Variants in GREB1L observed in about 807,000 individuals in gnomAD.
The protein encoded by GREB1L is GREB1-like protein.
A neutral mutation model predicts 200.8 loss-of-function variants in GREB1L; 17 were observed. The ratio of observed to expected loss-of-function variants is 0.08; its 90% CI spans 0.06 to 0.13. The LOEUF (loss-of-function observed/expected upper bound fraction) is 0.13, where lower values mean the gene tolerates loss of function less well. Among genes scored for constraint, GREB1L ranks in the 10% least tolerant of loss-of-function variants. The pLI, the probability that GREB1L is intolerant of heterozygous loss-of-function variation, is 1.00. For synonymous variants in GREB1L, 789 were observed against 893.0 expected (o/e 0.88, Z 2.08); for missense variants, 1,657 against 2,367.7 (o/e 0.70, Z 6.23).
At chr18:21,333,464 T>TCC (rs2039137311) in intron 1 of GREB1L, among the ~76,000 whole-genome samples, 3 of 151,394 alleles carry the variant, frequency 2.0e-5, no homozygotes. Flanking sequence ...CACCTGAGGT[T>TCC]GGGAGTTTGA....
Position 21,505,796 on chromosome 18 carries a change from C to G in GREB1L, c.4229-14C>G. On this transcript the variant is annotated splice_polypyrimidine_tract_variant and intron_variant, in intron 24 of 32. Coordinates refer to ENST00000424526, the MANE Select transcript of GREB1L (RefSeq NM_001142966.3). ...GTTATCTCATGGGATGGCTTTTTGCCCCTTTATACACAGAAGTGATAAAGG... is the reference window on the plus strand; with the variant it reads ...GTTATCTCATGGGATGGCTTTTTGCGCCTTTATACACAGAAGTGATAAAGG... The G allele has an allele frequency of 6.5e-7, 1 of 1,544,318 alleles. No homozygotes were observed. The highest frequency in any genetic ancestry group is 1.2e-5 in the South Asian group (1 of 82,534).
chr18:21,522,411 T>C (rs904800797), intron 32 of GREB1L, among the ~76,000 whole-genome samples: 8 of 151,856 alleles, frequency 5.3e-5, no homozygotes, highest in African/African-American at 1.9e-4. Flanking sequence ...GAGGCAGAGG[T>C]TGCAGTGAAC....
Position 21,441,434 on chromosome 18 carries a change from A to G in GREB1L, c.1104A>G (p.Pro368=), listed in dbSNP as rs1419628960. 2.2e-5 allele frequency: 34 copies of G among 1,550,732 alleles called. No individual in the cohort carries two copies. The highest frequency in any genetic ancestry group is 2.7e-5 in the Non-Finnish European group (31 of 1,146,744). ...PLLSAPVPQT[P]LTGILQPRPI... ...TATCTGCCCCAGTTCCACAGACCCC[A>G]CTAACTGGAATTTTACAACCCAGGC... The change falls in exon 10 of 33, where the codon CCA becomes CCG. Residue 368 remains proline (P), a synonymous_variant. Transcript: ENST00000424526.
Position 21,500,143 on chromosome 18 carries a change from G to T in GREB1L, c.3806G>T (p.Arg1269Leu), listed in dbSNP as rs1176278321. ...GACGTGGCCTGGGTGAGCTCCCTGC[G>T]GCCACTCCTGAACAAGGACATGAGC... The part of the protein sequence containing the change: ...HADVAWVSSL[R>L]PLLNKDMSSE... The change falls in exon 22 of 33, where the codon CGG becomes CTG. Residue 1269 changes from arginine (R) to leucine (L), a missense_variant. Physicochemically the swap from Arg to Leu is moderately radical, Grantham distance 102. Around this residue, in one of 9 missense-constraint regions of GREB1L, gnomAD observed 512 missense variants for 668.3 expected, o/e 0.77. Transcript: ENST00000424526. 5.8e-6 allele frequency: 9 copies of T among 1,551,448 alleles called. No homozygotes were observed. Among genetic ancestry groups the T allele is most frequent in the Non-Finnish European group, 7.0e-6 (8 of 1,147,010 alleles).
intron 17 of GREB1L, among the ~76,000 whole-genome samples, chr18:21,483,719 G>A (rs947701327): frequency 9.9e-5 from 15 of 152,100 alleles, no homozygotes; most frequent in Admixed American, 2.0e-4. Flanking sequence ...GCTCATGTCT[G>A]TAATCCCAGC....
intron 25 of GREB1L, 35 bp downstream of exon 25, chr18:21,505,984 C>T: frequency 2.0e-6 from 3 of 1,535,752 alleles, no homozygotes; most frequent in Non-Finnish European, 2.6e-6. Flanking sequence ...CCTCTGTCAC[C>T]CAGTATGGAT....
chr18:21,393,168 G>A (rs1875134752), intron 4 of GREB1L, among the ~76,000 whole-genome samples: 1 of 152,166 alleles, frequency 6.6e-6, no homozygotes, highest in Non-Finnish European at 1.5e-5. Flanking sequence ...ATCATAACAT[G>A]AATTGATGCT....
At position 21,383,862 on chromosome 18, in the gene GREB1L, G is replaced by A. The variant is rs180736194; in HGVS notation, c.157+187G>A. 7.2e-4 allele frequency among the ~76,000 whole-genome samples: 109 copies of A among 151,952 alleles called. No homozygotes were observed. The Middle Eastern group carries it at 0.014, about 19-fold the overall frequency. ...TGAGTAGCTGGGATTACAGGTGCAC[G>A]CCACCACTCCTGGCTAATTTTTTTT... On this transcript the variant is annotated intron_variant, in intron 3 of 32. Transcript: ENST00000424526.
At chr18:21,281,679 A>G (rs2038272275) in intron 1 of GREB1L, among the ~76,000 whole-genome samples, 2 of 152,162 alleles carry the variant, frequency 1.3e-5, no homozygotes, top group Admixed American at 1.3e-4. Flanking sequence ...ACATAACATG[A>G]TTTATTTTCA....
chr18:21,280,662 T>G (rs977489173), intron 1 of GREB1L, among the ~76,000 whole-genome samples: 3 of 152,192 alleles, frequency 2.0e-5, no homozygotes, highest in African/African-American at 2.4e-5. Flanking sequence ...TTAAACACTT[T>G]TTTTCTCCCT....
At chr18:21,383,454 T>C in intron 2 of GREB1L, 56 bp from the exon 3 acceptor site, 1 of 1,311,374 alleles carries the variant, frequency 7.6e-7, no homozygotes, top group Non-Finnish European at 1.0e-6. Flanking sequence ...CTTTGAGACA[T>C]AGAACCTCTA....
In GREB1L at chr18:21,384,343, A is replaced by G; in HGVS notation, c.295A>G (p.Asn99Asp). The G allele has an allele frequency of 6.4e-7, 1 of 1,551,988 alleles. No homozygotes were observed. Among genetic ancestry groups the G allele is most frequent in the Non-Finnish European group, 8.7e-7 (1 of 1,147,044 alleles). ...DEDDEEMSDSNSPPIPYSQKP... is the reference protein window; with the variant it reads ...DEDDEEMSDSDSPPIPYSQKP... The stretch of plus-strand genomic sequence containing the variant: ...AGACGATGAAGAAATGTCTGATTCA[A>G]ACAGCCCACCAATTCCCTATTCACA... Residue 99 changes from asparagine (N) to aspartate (D), a missense_variant, in exon 4 of 33, where the codon AAC becomes GAC. Asn to Asp is a conservative substitution (Grantham distance 23). Coordinates refer to ENST00000424526, the MANE Select transcript of GREB1L (RefSeq NM_001142966.3).
chr18:21,366,175 A>G (rs773044976), intron 2 of GREB1L, 39 bp downstream of exon 2: 12 of 152,132 alleles, frequency 7.9e-5, no homozygotes, highest in Non-Finnish European at 1.2e-4. Flanking sequence ...CAATTTTTCA[A>G]GATCAAATTT....
chr18:21,324,938 C>A (rs2039000618), intron 1 of GREB1L, among the ~76,000 whole-genome samples: 1 of 152,202 alleles, frequency 6.6e-6, no homozygotes, highest in South Asian at 2.1e-4. Flanking sequence ...GAGTCACAGT[C>A]CTCAGAAGCA....
rs184919282 is a variant in GREB1L, at chr18:21,495,686, A to C, written c.3047A>C (p.Glu1016Ala). The part of the protein sequence containing the change: ...VARLKSWRGN[E>A]PEEWIPRTYQ... ...TTTCTGTAGAGTTGGAGAGGAAATG[A>C]ACCAGAAGAGTGGATCCCTCGGACA... Residue 1016 changes from glutamate (E) to alanine (A), a missense_variant, in exon 20 of 33, where the codon GAA (glutamate) becomes GCA (alanine). Physicochemically the swap from Glu to Ala is moderately radical, Grantham distance 107. Transcript: ENST00000424526. The C allele has an allele frequency of 6.6e-6, 10 of 1,524,408 alleles. No individual in the cohort carries two copies. In the Admixed American group the frequency reaches 2.0e-4, roughly 31 times the overall value. The allele number at this position is 1,524,408 out of a possible 1,614,324, so 94.4% of individuals were successfully genotyped here.
At chr18:21,243,311 A>T (rs2037537260) in intron 1 of GREB1L, among the ~76,000 whole-genome samples, 1 of 152,154 alleles carries the variant, frequency 6.6e-6, no homozygotes, top group East Asian at 1.9e-4. Flanking sequence ...TTTGCCCGGA[A>T]CTGCCGCTGC....
chr18:21,414,124 T>C (rs2031378256), intron 7 of GREB1L, among the ~76,000 whole-genome samples: 1 of 152,232 alleles, frequency 6.6e-6, no homozygotes, highest in Non-Finnish European at 1.5e-5. Context: ...TGCAGTTCCC[T>C]TTATATTAAC....
At position 21,319,004 on chromosome 18, in the gene GREB1L, C is replaced by T. The variant is rs562515041; in HGVS notation, c.-119-47023C>T. Among the ~76,000 whole-genome samples, 9 of 152,278 alleles carry T rather than the reference C, an allele frequency of 5.9e-5. No homozygotes were observed. The East Asian group carries it at 1.7e-3, about 29-fold the overall frequency. Reference sequence around the variant, plus strand: ...AGCTGCTTAGCCCCCGTGTAGCTGCCTCTGTGAATGCGCAGCCAGTAACTG... The same window carrying T: ...AGCTGCTTAGCCCCCGTGTAGCTGCTTCTGTGAATGCGCAGCCAGTAACTG... On this transcript the variant is annotated intron_variant, in intron 1 of 32. Transcript: ENST00000424526.
At chr18:21,348,874 G>T (rs1023996917) in intron 1 of GREB1L, among the ~76,000 whole-genome samples, 4 of 152,216 alleles carry the variant, frequency 2.6e-5, no homozygotes, top group Non-Finnish European at 5.9e-5. Flanking sequence ...AAGCCAAGGA[G>T]GTGGAAGTGG....
Sources: gnomAD v4.1 joint callset for allele counts (sites outside exome capture counted in the v4.1 genomes callset) on GRCh38, gnomAD v4.1.1 for gene constraint, gnomAD v4.1.1 regional missense constraint, MANE v1.5 for transcripts, NCBI Gene and HGNC (gene_info 2026-07-23, HGNC 2026-07-21) for gene names.